The following LRBA variants were observed in gnomAD, a reference collection of about 807,000 sequenced individuals.
LRBA encodes LPS responsive beige-like anchor protein, also known as lipopolysaccharide-responsive and beige-like anchor protein.
A neutral mutation model predicts 330.0 loss-of-function variants in LRBA; 176 were observed. That is an observed-to-expected ratio of 0.53 (90% CI 0.47 to 0.60). The LOEUF is 0.60. Among genes scored for constraint, LRBA ranks in the 20% least tolerant of loss-of-function variants. LRBA has a pLI of 0.00. For missense variants in LRBA, 3,259 were observed against 3,444.8 expected (o/e 0.95, Z 1.35); for synonymous variants, 1,230 against 1,193.0 (o/e 1.03, Z -0.64).
chr4:150,790,334 A>T (rs950715378), intron 34 of LRBA, among the ~76,000 whole-genome samples: 3 of 152,166 alleles, frequency 2.0e-5, no homozygotes, highest in African/African-American at 7.2e-5. Flanking sequence ...TTCAGGTCAA[A>T]TCCTGAATCT....
chr4:150,426,581 C>T (rs948533829), intron 46 of LRBA, among the ~76,000 whole-genome samples: 3 of 151,840 alleles, frequency 2.0e-5, no homozygotes, highest in African/African-American at 7.2e-5. Context: ...TCTATATATA[C>T]ATAAGATATT....
At chr4:150,579,998 A>T (rs555000377) in intron 40 of LRBA, 1 of 305,206 alleles carries the variant, frequency 3.3e-6, no homozygotes, top group Non-Finnish European at 6.5e-6. Context: ...CTCTCCCGGC[A>T]GCGCAGTGCC....
At chr4:150,912,442 G>A (rs983377239) in intron 9 of LRBA, among the ~76,000 whole-genome samples, 2 of 152,128 alleles carry the variant, frequency 1.3e-5, no homozygotes, top group Admixed American at 1.3e-4. Flanking sequence ...CATCACCCCC[G>A]GATGGAACCG....
At chr4:150,670,137 C>G (rs1781925919) in intron 37 of LRBA, among the ~76,000 whole-genome samples, 1 of 152,050 alleles carries the variant, frequency 6.6e-6, no homozygotes, top group Admixed American at 6.6e-5. Flanking sequence ...CTCATTATTC[C>G]ATCGCCTTAA....
At chr4:150,542,589 A>G (rs748733643) in intron 40 of LRBA, among the ~76,000 whole-genome samples, 1 of 152,178 alleles carries the variant, frequency 6.6e-6, no homozygotes, top group African/African-American at 2.4e-5. Flanking sequence ...CCACCTTTTT[A>G]TTACTATAAA....
intron 37 of LRBA, among the ~76,000 whole-genome samples, chr4:150,631,470 A>G (rs1026560700): frequency 2.0e-5 from 3 of 152,222 alleles, no homozygotes; most frequent in African/African-American, 7.2e-5. Flanking sequence ...TATCATTTTG[A>G]AGCAAACCAC....
In LRBA at chr4:150,422,805, G is replaced by A. The variant is rs934113961; in HGVS notation, c.7042-7215C>T. On this transcript the variant is annotated intron_variant, in intron 46 of 56. Transcript: ENST00000651943. Reference sequence around the variant, plus strand: ...TTTCTGGTAGACCTGCATGTGCTGCGGTTTGCCCTGGAACTTGCCCTGCAG... The same window carrying A: ...TTTCTGGTAGACCTGCATGTGCTGCAGTTTGCCCTGGAACTTGCCCTGCAG... 7.1e-5 allele frequency: 104 copies of A among 1,469,418 alleles called. 1 individual carries two copies. Among genetic ancestry groups the A allele is most frequent in the East Asian group, 6.8e-5 (3 of 44,024 alleles). The allele number at this position is 1,469,418 out of a possible 1,614,324, so 91.0% of individuals were successfully genotyped here. A position where few individuals can be genotyped will look rare whatever the true frequency, so the allele number is the denominator to read the frequency against.
At chr4:150,784,948 C>T (rs951153376) in intron 34 of LRBA, among the ~76,000 whole-genome samples, 4 of 152,180 alleles carry the variant, frequency 2.6e-5, no homozygotes, top group African/African-American at 7.2e-5. Context: ...AATTTGTAAC[C>T]ACCCAATGGG....
chr4:150,846,853 G>A (rs1360386729), intron 26 of LRBA, among the ~76,000 whole-genome samples: 1 of 152,092 alleles, frequency 6.6e-6, no homozygotes, highest in Non-Finnish European at 1.5e-5. Context: ...TACTGGGGTG[G>A]ATTAAATTAT....
intron 53 of LRBA, among the ~76,000 whole-genome samples, chr4:150,296,803 C>T (rs1217450381): frequency 1.3e-5 from 2 of 152,010 alleles, no homozygotes; most frequent in East Asian, 1.9e-4. Context: ...ACGAAATGAG[C>T]GTTTTTGGAA....
chr4:150,271,757 G>A (rs912544192), intron 56 of LRBA, among the ~76,000 whole-genome samples: 4 of 152,182 alleles, frequency 2.6e-5, no homozygotes, highest in Admixed American at 6.5e-5. Flanking sequence ...TTCGAATTGG[G>A]TGGAGCTCAC....
At chr4:150,579,906 G>A (rs1414367414) in intron 40 of LRBA, 3 of 353,658 alleles carry the variant, frequency 8.5e-6, no homozygotes, top group Non-Finnish European at 1.7e-5. Context: ...GGAAAGCTCC[G>A]CACCCTCTAT....
intron 2 of LRBA, among the ~76,000 whole-genome samples, chr4:150,945,375 C>A (rs1049379153): frequency 6.6e-6 from 1 of 152,150 alleles, no homozygotes; most frequent in African/African-American, 2.4e-5. Context: ...ATTGTACAGC[C>A]TTTAAAAAGA....
intron 42 of LRBA, 116 bp downstream of exon 42, chr4:150,487,616 T>A: frequency 2.1e-6 from 1 of 486,472 alleles, no homozygotes; most frequent in Non-Finnish European, 3.6e-6. Context: ...GTTATAAATT[T>A]CAAAATAAGT....
chr4:150,458,420 TA>T (rs1754352885), intron 44 of LRBA, among the ~76,000 whole-genome samples: 1 of 151,916 alleles, frequency 6.6e-6, no homozygotes, highest in African/African-American at 2.4e-5. Flanking sequence ...TAATTCAATT[TA>T]AAAAGGTCAG....
intron 37 of LRBA, among the ~76,000 whole-genome samples, chr4:150,654,747 T>G (rs971634382): frequency 2.0e-5 from 3 of 152,160 alleles, no homozygotes; most frequent in African/African-American, 7.2e-5. Context: ...CCTGTGTCCA[T>G]GTGTTCTCAT....
In LRBA at chr4:150,798,157, A is replaced by G. The variant is rs749378068; in HGVS notation, c.5519-15T>C. ...GCAAACCAGACCTATTTTAAAGAGA[A>G]TTTTAAAAAAGAAGTTATAAAGAAA... is the stretch of plus-strand genomic sequence containing the variant. On this transcript the variant is annotated splice_polypyrimidine_tract_variant and intron_variant, in intron 33 of 56. Coordinates refer to ENST00000651943, the MANE Select transcript of LRBA (RefSeq NM_001364905.1). The G allele has an allele frequency of 5.2e-6, 8 of 1,540,610 alleles. No individual in the cohort carries two copies. Among genetic ancestry groups the G allele is most frequent in the Non-Finnish European group, 7.2e-6 (8 of 1,114,524 alleles).
Position 150,338,414 on chromosome 4 carries a change from TATAAC to T in LRBA, c.7362+11573_7362+11577del, listed in dbSNP as rs550343528. Among the ~76,000 whole-genome samples, 40 of 152,282 alleles carry T rather than the reference TATAAC, an allele frequency of 2.6e-4. 1 individual carries two copies. The South Asian group carries it at 8.3e-3, about 32-fold the overall frequency. On this transcript the variant is annotated intron_variant, in intron 48 of 56. Transcript: ENST00000651943. ...TTTTAGAGGAAATGTACCAAGTACT[TATAAC>T]AAAGTACAAGATGAAAAAGCACAGA...
chr4:150,602,303 T>C (rs1774202377), intron 37 of LRBA, among the ~76,000 whole-genome samples: 1 of 152,224 alleles, frequency 6.6e-6, no homozygotes, highest in Admixed American at 6.5e-5. Flanking sequence ...TCTCATGTAA[T>C]AGACTTATAA....
Sources: allele counts gnomAD v4.1 joint callset (sites outside exome capture counted in the v4.1 genomes callset), GRCh38; gene constraint gnomAD v4.1.1; transcripts MANE v1.5; gene names NCBI Gene and HGNC (gene_info 2026-07-23, HGNC 2026-07-21).